Variants in SPO11 observed in about 807,000 individuals in gnomAD.
SPO11 encodes meiotic recombination protein SPO11.
A neutral mutation model predicts 51.6 loss-of-function variants in SPO11; 49 were observed. The observed-to-expected ratio is 0.95, with a 90% confidence interval of 0.75 to 1.20. The LOEUF (loss-of-function observed/expected upper bound fraction) is 1.20, where lower values mean the gene tolerates loss of function less well. Among genes scored for constraint, SPO11 ranks in the 50% most tolerant of loss-of-function variants. The probability of loss-of-function intolerance (pLI) is 0.00; values close to 1 mark genes in which losing one functional copy is unlikely to be tolerated. For missense variants in SPO11, 431 were observed against 473.4 expected (o/e 0.91, Z 0.83); for synonymous variants, 176 against 158.2 (o/e 1.11, Z -0.84).
At chr20:57,330,212 C>T (rs998763925) in intron 1 of SPO11, among the ~76,000 whole-genome samples, 1 of 152,186 alleles carries the variant, frequency 6.6e-6, no homozygotes, top group African/African-American at 2.4e-5. Context: ...AGCCCCCCTT[C>T]TGTGGCTTCT....
chr20:57,335,322 G>A (rs541651106), intron 6 of SPO11, 97 bp from the exon 7 acceptor site: 23 of 992,468 alleles, frequency 2.3e-5, no homozygotes, highest in Non-Finnish European at 2.8e-5. Context: ...CTGATGACTG[G>A]TATGGTCAAA....
chr20:57,335,576 T>G, intron 7 of SPO11, 121 bp downstream of exon 7: 1 of 942,624 alleles, frequency 1.1e-6, no homozygotes, highest in Non-Finnish European at 1.6e-6. Context: ...GCAGTCAAGA[T>G]GAACACACCA....
chr20:57,332,207 A>G (rs1439080048), intron 2 of SPO11, among the ~76,000 whole-genome samples: 2 of 152,224 alleles, frequency 1.3e-5, no homozygotes, highest in African/African-American at 4.8e-5. Flanking sequence ...AATGCATGTG[A>G]TAAAGTCTCA....
chr20:57,342,948 C>A (rs1262445253), intron 12 of SPO11, 108 bp downstream of exon 12: 2 of 757,880 alleles, frequency 2.6e-6, no homozygotes, highest in African/African-American at 1.8e-5. Context: ...TTTTATATGA[C>A]ACGACTAACA....
At chr20:57,332,392 T>C (rs2066460767) in intron 2 of SPO11, among the ~76,000 whole-genome samples, 1 of 152,188 alleles carries the variant, frequency 6.6e-6, no homozygotes, top group Non-Finnish European at 1.5e-5. Flanking sequence ...TAGAGCACAT[T>C]TAAGGCTTTC....
chr20:57,332,412 ATCT>A (rs2066460997), intron 2 of SPO11, among the ~76,000 whole-genome samples: 1 of 152,354 alleles, frequency 6.6e-6, no homozygotes, highest in African/African-American at 2.4e-5. Flanking sequence ...CTCCTGACAG[ATCT>A]TCTGCCCCTG....
At chr20:57,343,191 AGCTGTAGCAGCTCTGGAATATTCTGG>A in intron 12 of SPO11, 124 bp from the exon 13 acceptor site, 1 of 796,810 alleles carries the variant, frequency 1.3e-6, no homozygotes, top group Non-Finnish European at 2.0e-6. Flanking sequence ...AGATATTTTT[AGCTGTAGCAGCTCTGGAATATTCTGG>A]CTGACCCTTA....
At chr20:57,332,097 CAG>C in intron 2 of SPO11, 151 bp downstream of exon 2, 1 of 478,822 alleles carries the variant, frequency 2.1e-6, no homozygotes, top group Non-Finnish European at 3.6e-6. Flanking sequence ...ACATACCATA[CAG>C]AGAGGTTATG....
chr20:57,339,658 T>C (rs1036069218), intron 10 of SPO11, among the ~76,000 whole-genome samples: 1 of 152,262 alleles, frequency 6.6e-6, no homozygotes, highest in African/African-American at 2.4e-5. Context: ...TCATGAACAA[T>C]AAGAAATGTA....
At chr20:57,337,691 C>T in intron 8 of SPO11, 1 of 1,205,556 alleles carries the variant, frequency 8.3e-7, no homozygotes, top group Non-Finnish European at 1.1e-6. Flanking sequence ...TGGCATAATT[C>T]CCAGTCCTTC....
intron 7 of SPO11, 138 bp downstream of exon 7, chr20:57,335,593 C>A: frequency 1.2e-6 from 1 of 814,966 alleles, no homozygotes; most frequent in East Asian, 2.7e-5. Flanking sequence ...ACCATGGTCC[C>A]TTCTTTAGTA....
Position 57,340,271 on chromosome 20 carries a change from TTAA to T in SPO11, c.959+95_959+97del, listed in dbSNP as rs1434577496. 28 of 719,518 alleles carry T rather than the reference TTAA, an allele frequency of 3.9e-5. 1 individual carries two copies. Among genetic ancestry groups the T allele is most frequent in the Non-Finnish European group, 2.4e-6 (1 of 418,648 alleles). The allele number at this position is 719,518 out of a possible 1,614,324, so 44.6% of individuals were successfully genotyped here. Reference sequence around the variant, plus strand: ...AAAAAGTCACTACAAGGGAAAGCTCTTAATGTTTTTTATTTATATTGTCCACGA... The same window carrying T: ...AAAAAGTCACTACAAGGGAAAGCTCTTGTTTTTTATTTATATTGTCCACGA... On this transcript the variant is annotated intron_variant, in intron 11 of 12. Coordinates refer to ENST00000371263, the MANE Select transcript of SPO11 (RefSeq NM_012444.3).
chr20:57,339,834 G>GCTCAAGCCATCCTCCCGC (rs2146097742), intron 10 of SPO11, among the ~76,000 whole-genome samples: 2 of 152,236 alleles, frequency 1.3e-5, no homozygotes, highest in African/African-American at 4.8e-5. Flanking sequence ...GGACTTTTGA[G>GCTCAAGCCATCCTCCCGC]CTCAAGCCAT....
intron 5 of SPO11, 44 bp downstream of exon 5, chr20:57,334,139 G>T (rs755550172): frequency 9.3e-5 from 86 of 926,506 alleles, no homozygotes; most frequent in Non-Finnish European, 1.1e-4. Flanking sequence ...AAAACAAAAT[G>T]TTTGTATAAA....
intron 11 of SPO11, 135 bp downstream of exon 11, chr20:57,340,313 T>C: frequency 5.3e-6 from 3 of 563,044 alleles, no homozygotes; most frequent in Non-Finnish European, 9.4e-6. Flanking sequence ...CTTATGATTA[T>C]GTAATTATGA....
rs186390721 is a variant in SPO11 at position 57,335,606 on chromosome 20, C to T, written c.634+151C>T. ...ACACCATGGTCCCTTCTTTAGTACT[C>T]TTTTAGGAGCTCACCATCTAGTGGA... On this transcript the variant is annotated intron_variant, in intron 7 of 12. Transcript: ENST00000371263. The T allele has an allele frequency of 8.0e-4, 610 of 760,838 alleles. 4 individuals carry two copies. The African/African-American group carries it at 9.6e-3, about 12-fold the overall frequency. 47.1% of individuals were successfully genotyped at this position (760,838 alleles called of 1,614,324 possible). A position where few individuals can be genotyped will look rare whatever the true frequency, so the allele number is the denominator to read the frequency against.
rs779386207 is a variant in SPO11 at position 57,329,956 on chromosome 20, G to A, written c.89G>A (p.Gly30Asp). 2.0e-5 allele frequency: 32 copies of A among 1,611,944 alleles called. No homozygotes were observed. Among genetic ancestry groups the A allele is most frequent in the Non-Finnish European group, 2.7e-5 (32 of 1,179,536 alleles). The change falls in exon 1 of 13, where the codon GGT (glycine) becomes GAT (aspartate). Residue 30 changes from glycine (G) to aspartate (D), a missense_variant. Transcript: ENST00000371263. ...TCCCTGCTGGCTGCCCTGAGGAGAG[G>A]TGGCAGGGAGCCCCCAACTGGGGGA... ...RESLLAALRR[G>D]GREPPTGGSR...
In SPO11 at chr20:57,334,089, A is replaced by G. The variant is rs970675507; in HGVS notation, c.504A>G (p.Leu168=). 9.3e-6 allele frequency: 14 copies of G among 1,502,034 alleles called. No individual in the cohort carries two copies. The African/African-American group carries it at 1.1e-4, about 12-fold the overall frequency. The allele number at this position is 1,502,034 out of a possible 1,614,324, so 93.0% of individuals were successfully genotyped here. A position where few individuals can be genotyped will look rare whatever the true frequency, so the allele number is the denominator to read the frequency against. Residue 168 remains leucine (L), a synonymous_variant, in exon 5 of 13, where the codon CTA becomes CTG. Transcript: ENST00000371263. ...SCMLKVSRRS[L]HILSTSKGLI... is the part of the protein sequence containing the mutation. ...TGTTAAAAGTGTCAAGGAGGAGTCT[A>G]CATATAGTAAGTAGTACCTAATACA...
intron 8 of SPO11, 94 bp downstream of exon 8, chr20:57,336,001 G>T: frequency 1.5e-6 from 1 of 681,598 alleles, no homozygotes; most frequent in East Asian, 2.9e-5. Flanking sequence ...ACAATGTCCT[G>T]TTTTCAATAT....
Sources: gnomAD v4.1 joint callset for allele counts (sites outside exome capture counted in the v4.1 genomes callset) on GRCh38, gnomAD v4.1.1 for gene constraint, MANE v1.5 for transcripts, NCBI Gene and HGNC (gene_info 2026-07-23, HGNC 2026-07-21) for gene names.